PARP16: variants seen among roughly 807,000 people sequenced by gnomAD.
PARP16 encodes protein mono-ADP-ribosyltransferase PARP16.
A neutral mutation model predicts 35.0 loss-of-function variants in PARP16; 31 were observed. The observed-to-expected ratio is 0.88, with a 90% confidence interval of 0.66 to 1.19. PARP16 has a LOEUF of 1.19. Ranked by LOEUF, PARP16 falls within the 50% of genes most tolerant of loss-of-function variation. The pLI is 0.00. For missense variants in PARP16, 424 were observed against 411.2 expected, an observed-to-expected ratio of 1.03 and a Z score of -0.27; for synonymous variants, 162 against 169.5, an observed-to-expected ratio of 0.96 and a Z score of 0.34.
In PARP16 at chr15:65,260,941, A is replaced by G; in HGVS notation, c.777T>C (p.Asn259=). The G allele has an allele frequency of 6.2e-7, 1 of 1,614,002 alleles. No homozygotes were observed. The highest frequency in any genetic ancestry group is 1.3e-5 in the African/African-American group (1 of 75,036). Residue 259 remains asparagine (N), a synonymous_variant, in exon 5 of 6, where the codon AAT becomes AAC. Transcript: ENST00000649807. ...DIPPKYFVVT[N]NQLLRVKYLL... ...GGTACTTCACTCGCAGCAGCTGGTT[A>G]TTGGTGACCACGAAGTACTTGGGAG...
intron 3 of PARP16, among the ~76,000 whole-genome samples, chr15:65,239,206 T>C (rs2088970546): frequency 6.6e-6 from 1 of 151,340 alleles, no homozygotes; most frequent in African/African-American, 2.4e-5. Context: ...GGTGGGCGGA[T>C]CACGAGGTCA....
At position 65,273,276 on chromosome 15, in the gene PARP16, C is replaced by CAAAAAAAAAAAAAAAAAAAAAAAAAAA. The variant is rs1233896826; in HGVS notation, c.175-2205_175-2204insTTTTTTTTTTTTTTTTTTTTTTTTTTT. Among the ~76,000 whole-genome samples the CAAAAAAAAAAAAAAAAAAAAAAAAAAA allele has an allele frequency of 8.0e-4, 46 of 57,496 alleles. 1 individual carries two copies. Among genetic ancestry groups the CAAAAAAAAAAAAAAAAAAAAAAAAAAA allele is most frequent in the Non-Finnish European group, 1.1e-3 (33 of 28,730 alleles). The allele number at this position is 57,496 out of a possible 152,430, so 37.7% of individuals were successfully genotyped here. A position where few individuals can be genotyped will look rare whatever the true frequency, so the allele number is the denominator to read the frequency against. ...CTGGTGACAGAGAGAGACTCTGTCTCAAAAAAAAAAAAAAAAAAGAATACC... is the reference window on the plus strand; with the variant it reads ...CTGGTGACAGAGAGAGACTCTGTCTCAAAAAAAAAAAAAAAAAAAAAAAAAAAAAAAAAAAAAAAAAAAAAGAATACC... On this transcript the variant is annotated intron_variant, in intron 1 of 5. Transcript: ENST00000649807.
chr15:65,253,070 T>C (rs1455269365), intron 2 of PARP16, among the ~76,000 whole-genome samples: 3 of 148,852 alleles, frequency 2.0e-5, no homozygotes, highest in African/African-American at 7.5e-5. Flanking sequence ...GTGGATGTAG[T>C]AGCGGTGAGC....
At chr15:65,267,626 T>A (rs958289286) in intron 2 of PARP16, among the ~76,000 whole-genome samples, 7 of 110,942 alleles carry the variant, frequency 6.3e-5, no homozygotes, top group Non-Finnish European at 1.2e-4. Flanking sequence ...ATAAATTAAT[T>A]AATTAAATAA....
At chr15:65,274,598 G>C (rs1352974721) in intron 1 of PARP16, among the ~76,000 whole-genome samples, 3 of 150,292 alleles carry the variant, frequency 2.0e-5, no homozygotes, top group Non-Finnish European at 4.4e-5. Flanking sequence ...AAAAGGATGT[G>C]TGGAGTGCAA....
At chr15:65,275,507 A>C (rs951309333) in intron 1 of PARP16, among the ~76,000 whole-genome samples, 4 of 152,186 alleles carry the variant, frequency 2.6e-5, no homozygotes, top group Non-Finnish European at 4.4e-5. Context: ...TGCTCAAACC[A>C]ACAGGAAAGT....
chr15:65,271,106 T>C (rs1445169373), intron 1 of PARP16, 34 bp from the exon 2 acceptor site: 1 of 1,612,740 alleles, frequency 6.2e-7, no homozygotes, highest in Non-Finnish European at 8.5e-7. Context: ...TTAGCAAGGA[T>C]CCCGGACACA....
Position 65,261,012 on chromosome 15 carries a change from C to G in PARP16, c.706G>C (p.Asp236His). The G allele has an allele frequency of 1.2e-6, 2 of 1,613,836 alleles. No individual in the cohort carries two copies. Among genetic ancestry groups the G allele is most frequent in the Non-Finnish European group, 1.7e-6 (2 of 1,179,870 alleles). The change falls in exon 5 of 6, where the codon GAT (aspartate) becomes CAT (histidine). Residue 236 changes from aspartate (D) to histidine (H), a missense_variant. Transcript: ENST00000649807. ...TGTTTGATTCTCGCTCGTCTGCGATCTATCTCCTTGGAATCTGAATAAGGA... is the reference window on the plus strand; with the variant it reads ...TGTTTGATTCTCGCTCGTCTGCGATGTATCTCCTTGGAATCTGAATAAGGA... The part of the protein sequence containing the change: ...QTKKKDSKEI[D>H]RRRARIKHSE...
chr15:65,276,086 C>T (rs981801549), intron 1 of PARP16, among the ~76,000 whole-genome samples: 4 of 152,196 alleles, frequency 2.6e-5, no homozygotes, highest in Admixed American at 1.3e-4. Context: ...TGCATCTGCC[C>T]AGACAGGGTC....
chr15:65,259,299 C>T lies in PARP16; in HGVS notation c.*108G>A, dbSNP rs1290257019. 9.3e-7 allele frequency: 1 copy of T among 1,078,234 alleles called. No homozygotes were observed. 66.8% of individuals were successfully genotyped at this position (1,078,234 alleles called of 1,614,324 possible). On this transcript the variant is annotated 3_prime_UTR_variant, in exon 6 of 6. Transcript: ENST00000649807. ...CATATGAAAATTGTCCTGTGGTCCC[C>T]CAACTGGCCCCTAGGCTCAACCTGG...
At chr15:65,251,354 G>C (rs1162819190) in intron 2 of PARP16, among the ~76,000 whole-genome samples, 1 of 152,070 alleles carries the variant, frequency 6.6e-6, no homozygotes, top group Non-Finnish European at 1.5e-5. Flanking sequence ...AAGGCTATCA[G>C]TTAAGATCTA....
At chr15:65,255,953 T>C (rs1200414483), downstream of PARP16, among the ~76,000 whole-genome samples, 1 of 152,128 alleles carries the variant, frequency 6.6e-6, no homozygotes, top group African/African-American at 2.4e-5. Context: ...TTCCCATCTA[T>C]GCAGTCTGAC....
intron 1 of PARP16, among the ~76,000 whole-genome samples, chr15:65,275,797 CAA>C (rs1301325739): frequency 1.3e-5 from 2 of 152,162 alleles, no homozygotes; most frequent in Non-Finnish European, 2.9e-5. Context: ...CTGCACAGTC[CAA>C]AGGGCACTCA....
chr15:65,285,796 GA>G (rs2090574271), intron 1 of PARP16, among the ~76,000 whole-genome samples: 1 of 152,168 alleles, frequency 6.6e-6, no homozygotes, highest in Non-Finnish European at 1.5e-5. Flanking sequence ...ATATGTACTG[GA>G]TGTTACAGTT....
chr15:65,232,795 C>A (rs1023980330), downstream of PARP16, among the ~76,000 whole-genome samples: 1 of 152,144 alleles, frequency 6.6e-6, no homozygotes, highest in African/African-American at 2.4e-5. Flanking sequence ...GTGGGTCACA[C>A]CTGTAATTAC....
rs573123029 is a variant in PARP16 at position 65,284,385 on chromosome 15, C to T, written c.174+1868G>A. 3.9e-5 allele frequency among the ~76,000 whole-genome samples: 5 copies of T among 129,116 alleles called. No homozygotes were observed. In the East Asian group the frequency reaches 9.7e-4, roughly 25 times the overall value. 84.7% of individuals were successfully genotyped at this position (129,116 alleles called of 152,430 possible). A position where few individuals can be genotyped will look rare whatever the true frequency, so the allele number is the denominator to read the frequency against. ...TTTGAGACAGTCTTGCTCTGTTGCC[C>T]AGGCTGGAGTGCAGTGGGGCGATCT... On this transcript the variant is annotated intron_variant, in intron 1 of 5. Transcript: ENST00000649807.
chr15:65,282,611 T>C (rs2090454027), intron 1 of PARP16: 1 of 152,250 alleles, frequency 6.6e-6, no homozygotes. Context: ...TAGTCTGGGC[T>C]ATTTTCCTCA....
At chr15:65,281,011 G>C (rs1209017079) in intron 1 of PARP16, among the ~76,000 whole-genome samples, 1 of 152,158 alleles carries the variant, frequency 6.6e-6, no homozygotes. Flanking sequence ...ACCCAGGTGA[G>C]GCTCATGTTG....
rs2090604509 is a variant in PARP16 at position 65,286,560 on chromosome 15, C to G, written c.-134G>C. 3.2e-6 allele frequency: 2 copies of G among 615,646 alleles called. No individual in the cohort carries two copies. Among genetic ancestry groups the G allele is most frequent in the Non-Finnish European group, 5.3e-6 (2 of 380,344 alleles). The allele number at this position is 615,646 out of a possible 1,614,324, so 38.1% of individuals were successfully genotyped here. A position where few individuals can be genotyped will look rare whatever the true frequency, so the allele number is the denominator to read the frequency against. On this transcript the variant is annotated 5_prime_UTR_variant, in exon 1 of 6. Transcript: ENST00000649807. ...TTCCCAAGCCTGGGGTGGAGCTAGG[C>G]AGGGGGCTGAGATGACAGGGGTGAG...
Sources: allele counts gnomAD v4.1 joint callset (sites outside exome capture counted in the v4.1 genomes callset), GRCh38; gene constraint gnomAD v4.1.1; transcripts MANE v1.5; gene names NCBI Gene and HGNC (gene_info 2026-07-23, HGNC 2026-07-21).